The following APBB1IP variants were observed in gnomAD, a reference collection of about 807,000 sequenced individuals.
APBB1IP encodes the protein amyloid beta A4 precursor protein-binding family B member 1-interacting protein.
A neutral mutation model predicts 64.9 loss-of-function variants in APBB1IP; 27 were observed. That is an observed-to-expected ratio of 0.42 (90% CI 0.31 to 0.57). The LOEUF (loss-of-function observed/expected upper bound fraction) is 0.57, where lower values mean the gene tolerates loss of function less well. APBB1IP is among the 20% of genes least tolerant of loss of function. APBB1IP has a pLI of 0.20. For synonymous variants in APBB1IP, 392 were observed against 331.0 expected (o/e 1.18, Z -2.00); for missense variants, 812 against 845.5 (o/e 0.96, Z 0.49).
At chr10:26,546,205 T>G (rs901511566) in intron 11 of APBB1IP, among the ~76,000 whole-genome samples, 1 of 152,254 alleles carries the variant, frequency 6.6e-6, no homozygotes, top group Non-Finnish European at 1.5e-5. Context: ...AAATCATTAG[T>G]GCAATGTCTA....
intron 2 of APBB1IP, among the ~76,000 whole-genome samples, chr10:26,488,321 G>A (rs1341246993): frequency 1.3e-5 from 2 of 151,220 alleles, no homozygotes; most frequent in African/African-American, 2.4e-5. Context: ...CTGCAGCCTC[G>A]ACCTCCTGGG....
intron 2 of APBB1IP, among the ~76,000 whole-genome samples, chr10:26,483,830 G>A (rs759899287): frequency 3.9e-5 from 6 of 151,902 alleles, no homozygotes; most frequent in Non-Finnish European, 8.8e-5. Context: ...TTCCTGCCTC[G>A]GCCTCCTGAA....
chr10:26,524,955 C>CTTTTTTT (rs56982662), intron 8 of APBB1IP, among the ~76,000 whole-genome samples: 168 of 73,838 alleles, frequency 2.3e-3, no homozygotes, highest in Middle Eastern at 7.8e-3. Flanking sequence ...TTCTTTCTTT[C>CTTTTTTT]TTTTTTTTTT....
intron 8 of APBB1IP, among the ~76,000 whole-genome samples, chr10:26,524,955 C>CT (rs56982662): frequency 0.29 from 21,880 of 74,340 alleles, 3,789 homozygotes; most frequent in East Asian, 0.51. Flanking sequence ...TTCTTTCTTT[C>CT]TTTTTTTTTT....
At chr10:26,466,880 G>A (rs1446560886) in intron 2 of APBB1IP, among the ~76,000 whole-genome samples, 1 of 151,988 alleles carries the variant, frequency 6.6e-6, no homozygotes. Context: ...AAGCTGCATT[G>A]AGTTATGATC....
intron 3 of APBB1IP, among the ~76,000 whole-genome samples, chr10:26,494,294 G>T (rs1469001904): frequency 3.3e-5 from 5 of 152,206 alleles, no homozygotes; most frequent in African/African-American, 1.2e-4. Flanking sequence ...AGGGCCAGGG[G>T]CCCTAAGTGG....
intron 9 of APBB1IP, 141 bp downstream of exon 9, chr10:26,533,666 A>T (rs1424980281): frequency 1.0e-5 from 5 of 480,666 alleles, no homozygotes; most frequent in African/African-American, 2.0e-5. Context: ...ATTATTTCTA[A>T]ATTATAGCTA....
intron 3 of APBB1IP, among the ~76,000 whole-genome samples, chr10:26,495,991 T>TTA (rs1416259240): frequency 2.8e-5 from 4 of 141,530 alleles, no homozygotes; most frequent in South Asian, 4.2e-4. Context: ...AATATATATA[T>TTA]TATATATATA....
At chr10:26,563,125 T>C (rs1270386625) in intron 14 of APBB1IP, among the ~76,000 whole-genome samples, 1 of 152,196 alleles carries the variant, frequency 6.6e-6, no homozygotes, top group African/African-American at 2.4e-5. Context: ...GGGCAACTAG[T>C]AGTCTGAAGC....
chr10:26,482,630 T>A (rs1467194972), intron 2 of APBB1IP, among the ~76,000 whole-genome samples: 1 of 152,204 alleles, frequency 6.6e-6, no homozygotes, highest in African/African-American at 2.4e-5. Flanking sequence ...AGTTGTAATA[T>A]GTCTACTGAT....
At chr10:26,450,196 C>T (rs1370070484) in intron 2 of APBB1IP, among the ~76,000 whole-genome samples, 1 of 152,158 alleles carries the variant, frequency 6.6e-6, no homozygotes, top group Non-Finnish European at 1.5e-5. Context: ...TATTGGAAGG[C>T]TTATAAATAC....
Position 26,546,049 on chromosome 10 carries a change from A to C in APBB1IP, c.1155+4357A>C, listed in dbSNP as rs143119235. Among the ~76,000 whole-genome samples the C allele has an allele frequency of 1.1e-4, 16 of 152,364 alleles. No individual in the cohort carries two copies. In the East Asian group the frequency reaches 2.1e-3, roughly 20 times the overall value. ...CTTGATGACTATGGCTGTTCATGAA[A>C]GGTCCTGTCAGAAAGATTGGCGTCT... On this transcript the variant is annotated intron_variant, in intron 11 of 14. Transcript: ENST00000376236.
intron 2 of APBB1IP, among the ~76,000 whole-genome samples, chr10:26,453,837 A>AC (rs1345037295): frequency 6.6e-6 from 1 of 152,238 alleles, no homozygotes; most frequent in African/African-American, 2.4e-5. Context: ...AAATAGATCT[A>AC]CCATATGATC....
chr10:26,455,846 C>A (rs958881794), intron 2 of APBB1IP, among the ~76,000 whole-genome samples: 2 of 152,120 alleles, frequency 1.3e-5, no homozygotes, highest in African/African-American at 4.8e-5. Flanking sequence ...CAAAAATGTG[C>A]AGGCAAGTGT....
chr10:26,445,885 C>T (rs997891263), intron 2 of APBB1IP, among the ~76,000 whole-genome samples: 3 of 152,066 alleles, frequency 2.0e-5, no homozygotes, highest in African/African-American at 7.3e-5. Context: ...TAACAGTGAT[C>T]GAGATAAGTG....
rs540110601 is a variant in APBB1IP at position 26,545,778 on chromosome 10, C to CAA, written c.1155+4088_1155+4089dup. The stretch of plus-strand genomic sequence containing the variant: ...CCGTCTCAAAAAAAAAACAAACAAA[C>CAA]AAACAAAAAAAAACCACAAAAATTA... On this transcript the variant is annotated intron_variant, in intron 11 of 14. Coordinates refer to ENST00000376236, the MANE Select transcript of APBB1IP (RefSeq NM_019043.4). 1.1e-4 allele frequency among the ~76,000 whole-genome samples: 6 copies of CAA among 55,558 alleles called. No homozygotes were observed. The East Asian group carries it at 1.9e-3, about 17-fold the overall frequency. The allele number at this position is 55,558 out of a possible 152,430, so 36.4% of individuals were successfully genotyped here. A position where few individuals can be genotyped will look rare whatever the true frequency, so the allele number is the denominator to read the frequency against.
At chr10:26,496,914 A>G (rs1836032355) in intron 4 of APBB1IP, among the ~76,000 whole-genome samples, 1 of 152,054 alleles carries the variant, frequency 6.6e-6, no homozygotes, top group Non-Finnish European at 1.5e-5. Context: ...TCAGCCATGC[A>G]TGATGGCTCA....
intron 11 of APBB1IP, among the ~76,000 whole-genome samples, chr10:26,549,693 A>C (rs1340376908): frequency 1.3e-5 from 2 of 151,308 alleles, no homozygotes; most frequent in African/African-American, 4.8e-5. Context: ...TATTTCTTTC[A>C]GTCATCTTTC....
intron 6 of APBB1IP, among the ~76,000 whole-genome samples, chr10:26,510,595 G>C (rs1479271498): frequency 6.6e-6 from 1 of 151,978 alleles, no homozygotes; most frequent in Non-Finnish European, 1.5e-5. Flanking sequence ...AATTAGCTGG[G>C]TGTGGTGGTG....
Sources: gnomAD v4.1 joint callset for allele counts (sites outside exome capture counted in the v4.1 genomes callset) on GRCh38, gnomAD v4.1.1 for gene constraint, MANE v1.5 for transcripts, NCBI Gene and HGNC (gene_info 2026-07-23, HGNC 2026-07-21) for gene names.